GRM8: variants seen among roughly 807,000 people sequenced by gnomAD.
GRM8 encodes the protein glutamate metabotropic receptor 8.
GRM8 carries 47 observed loss-of-function variants against 87.2 expected under a neutral mutation model. That is an observed-to-expected ratio of 0.54 (90% CI 0.43 to 0.69). GRM8 has a LOEUF of 0.69. GRM8 is among the 30% of genes least tolerant of loss of function. The pLI, the probability that GRM8 is intolerant of heterozygous loss-of-function variation, is 0.00. For synonymous variants in GRM8, 396 were observed against 404.5 expected, an observed-to-expected ratio of 0.98 and a Z score of 0.25; for missense variants, 1,019 against 1,139.2, an observed-to-expected ratio of 0.89 and a Z score of 1.52.
chr7:126,728,569 G>T (rs921903864), intron 7 of GRM8, among the ~76,000 whole-genome samples: 2 of 152,158 alleles, frequency 1.3e-5, no homozygotes, highest in Non-Finnish European at 2.9e-5. Context: ...ACTGGCTCTG[G>T]AGAGGTGGGC....
chr7:126,816,565 C>T lies in GRM8; in HGVS notation c.1157-46500G>A, dbSNP rs111402952. On this transcript the variant is annotated intron_variant, in intron 6 of 10. Transcript: ENST00000339582. Reference sequence around the variant, plus strand: ...TGTTAATATCTCTAAGTCCTAGTTTCCTCTTCTGAAAAATAAGAGTAATGT... The same window carrying T: ...TGTTAATATCTCTAAGTCCTAGTTTTCTCTTCTGAAAAATAAGAGTAATGT... 3.1e-3 allele frequency among the ~76,000 whole-genome samples: 467 copies of T among 152,002 alleles called. 3 individuals are homozygous for T. Among genetic ancestry groups the T allele is most frequent in the African/African-American group, 0.011 (453 of 41,462 alleles).
intron 2 of GRM8, among the ~76,000 whole-genome samples, chr7:127,202,415 T>G (rs1438562799): frequency 6.6e-6 from 1 of 152,302 alleles, no homozygotes; most frequent in East Asian, 1.9e-4. Context: ...TGGACTCAAG[T>G]GATCTGCCTG....
intron 3 of GRM8, among the ~76,000 whole-genome samples, chr7:126,906,402 A>C (rs1489062185): frequency 6.6e-6 from 1 of 152,128 alleles, no homozygotes; most frequent in Non-Finnish European, 1.5e-5. Context: ...TGTAGCCTCA[A>C]AGCCCTAGGC....
intron 3 of GRM8, among the ~76,000 whole-genome samples, chr7:127,031,129 C>T (rs1311611374): frequency 6.6e-6 from 1 of 152,114 alleles, no homozygotes; most frequent in Non-Finnish European, 1.5e-5. Context: ...GTGGTCAACA[C>T]AAACCCCAGG....
chr7:126,737,339 A>G (rs1814350787), intron 7 of GRM8, among the ~76,000 whole-genome samples: 1 of 151,970 alleles, frequency 6.6e-6, no homozygotes. Context: ...TCGACTCCTT[A>G]CGATTTCATC....
At chr7:127,124,327 G>A (rs772425665) in intron 2 of GRM8, among the ~76,000 whole-genome samples, 53 of 152,068 alleles carry the variant, frequency 3.5e-4, no homozygotes, top group Non-Finnish European at 8.8e-5. Flanking sequence ...AAAATCCAAT[G>A]CTCAATTTGC....
chr7:126,694,276 T>C (rs1209898065), intron 7 of GRM8, among the ~76,000 whole-genome samples: 1 of 152,162 alleles, frequency 6.6e-6, no homozygotes, highest in Non-Finnish European at 1.5e-5. Context: ...TTATTATTGT[T>C]AGAATTAAAT....
chr7:127,217,971 T>C (rs1225460124), intron 2 of GRM8, among the ~76,000 whole-genome samples: 1 of 152,182 alleles, frequency 6.6e-6, no homozygotes, highest in Non-Finnish European at 1.5e-5. Context: ...AGCCCTTCTT[T>C]AGAATGCAGG....
In GRM8 at chr7:126,975,207, T is replaced by C. The variant is rs1212766879; in HGVS notation, c.728-70524A>G. 2.0e-5 allele frequency among the ~76,000 whole-genome samples: 3 copies of C among 152,150 alleles called. No homozygotes were observed. The East Asian group carries it at 5.8e-4, about 29-fold the overall frequency. Reference sequence around the variant, plus strand: ...TCCCACTGAATAGCACTTACCCACATGAACTGGTCATGTTCATGACCAGAA... The same window carrying C: ...TCCCACTGAATAGCACTTACCCACACGAACTGGTCATGTTCATGACCAGAA... On this transcript the variant is annotated intron_variant, in intron 3 of 10. Transcript: ENST00000339582.
At chr7:126,886,018 T>A (rs985811052) in intron 6 of GRM8, among the ~76,000 whole-genome samples, 1 of 152,094 alleles carries the variant, frequency 6.6e-6, no homozygotes, top group Non-Finnish European at 1.5e-5. Context: ...GGTGGTGTAA[T>A]TTTCATCACA....
chr7:126,560,328 T>C (rs1486021561), intron 8 of GRM8, among the ~76,000 whole-genome samples: 1 of 152,200 alleles, frequency 6.6e-6, no homozygotes, highest in Non-Finnish European at 1.5e-5. Context: ...ATTTATGTAA[T>C]GGAAACTCAG....
At chr7:126,584,438 C>A (rs1428418614) in intron 8 of GRM8, among the ~76,000 whole-genome samples, 1 of 152,084 alleles carries the variant, frequency 6.6e-6, no homozygotes, top group Non-Finnish European at 1.5e-5. Flanking sequence ...ATGTGCATGT[C>A]TGACACTAAC....
At chr7:127,160,612 T>C (rs774952865) in intron 2 of GRM8, among the ~76,000 whole-genome samples, 73 of 152,038 alleles carry the variant, frequency 4.8e-4, no homozygotes, top group Admixed American at 2.6e-3. Context: ...CAATAATGGA[T>C]CTGGAAAGAG....
chr7:127,008,940 C>T (rs1042452955), intron 3 of GRM8, among the ~76,000 whole-genome samples: 1 of 152,110 alleles, frequency 6.6e-6, no homozygotes, highest in Non-Finnish European at 1.5e-5. Context: ...AGAAGCATTA[C>T]ATAACACATG....
At chr7:126,872,892 A>G (rs1252893317) in intron 6 of GRM8, among the ~76,000 whole-genome samples, 1 of 152,198 alleles carries the variant, frequency 6.6e-6, no homozygotes, top group Non-Finnish European at 1.5e-5. Flanking sequence ...TCATAGTTTC[A>G]GAGTAAGAAA....
chr7:127,011,837 G>A (rs1164954952), intron 3 of GRM8, among the ~76,000 whole-genome samples: 2 of 152,184 alleles, frequency 1.3e-5, no homozygotes, highest in East Asian at 1.9e-4. Flanking sequence ...TGTATTTTAA[G>A]TGGATGATGC....
At chr7:126,856,066 C>G (rs1056133473) in intron 6 of GRM8, among the ~76,000 whole-genome samples, 7 of 151,946 alleles carry the variant, frequency 4.6e-5, no homozygotes, top group African/African-American at 1.7e-4. Context: ...GCTTTTTGTA[C>G]TTCTTCTCAT....
In GRM8 at chr7:126,996,567, A is replaced by G. The variant is rs191368831; in HGVS notation, c.728-91884T>C. The stretch of plus-strand genomic sequence containing the variant: ...TGCTTATAAAAAACATACTTCAACT[A>G]TAAAGATACACATAGACTAAAAACA... On this transcript the variant is annotated intron_variant, in intron 3 of 10. Transcript: ENST00000339582. 5.9e-5 allele frequency among the ~76,000 whole-genome samples: 9 copies of G among 152,210 alleles called. No individual in the cohort carries two copies. In the East Asian group the frequency reaches 1.7e-3, roughly 29 times the overall value.
chr7:126,441,762 A>G (rs1173443984), intron 10 of GRM8, among the ~76,000 whole-genome samples: 20 of 149,322 alleles, frequency 1.3e-4, no homozygotes, highest in Non-Finnish European at 2.4e-4. Context: ...CCAAGTTCAT[A>G]CAAAGTTCAC....
Sources: gnomAD v4.1 joint callset for allele counts (sites outside exome capture counted in the v4.1 genomes callset) on GRCh38, gnomAD v4.1.1 for gene constraint, MANE v1.5 for transcripts, NCBI Gene and HGNC (gene_info 2026-07-23, HGNC 2026-07-21) for gene names.